NRXN3: variants seen among roughly 807,000 people sequenced by gnomAD.
The protein encoded by NRXN3 is neurexin III.
NRXN3 carries 32 observed loss-of-function variants against 137.6 expected under a neutral mutation model. The ratio of observed to expected loss-of-function variants is 0.23; its 90% CI spans 0.18 to 0.31. NRXN3 has a LOEUF of 0.31. Among genes scored for constraint, NRXN3 ranks in the 10% least tolerant of loss-of-function variants. NRXN3 has a pLI of 1.00. For synonymous variants in NRXN3, 798 were observed against 784.5 expected (o/e 1.02, Z -0.29); for missense variants, 1,574 against 2,062.5 (o/e 0.76, Z 4.59).
At chr14:79,375,873 T>C (rs944771241) in intron 15 of NRXN3, among the ~76,000 whole-genome samples, 1 of 151,916 alleles carries the variant, frequency 6.6e-6, no homozygotes, top group Admixed American at 6.6e-5. Flanking sequence ...AAGAGATTAT[T>C]CTTAGAAATG....
At chr14:78,523,329 A>T (rs1220022937) in intron 4 of NRXN3, among the ~76,000 whole-genome samples, 2 of 152,194 alleles carry the variant, frequency 1.3e-5, no homozygotes, top group Non-Finnish European at 2.9e-5. Context: ...ATAATGCCAA[A>T]GGAGAAATTA....
intron 19 of NRXN3, among the ~76,000 whole-genome samples, chr14:79,711,329 A>G (rs943026043): frequency 3.3e-5 from 5 of 152,194 alleles, no homozygotes; most frequent in Non-Finnish European, 5.9e-5. Context: ...TCATTGCTCA[A>G]AGCTCTACGT....
intron 15 of NRXN3, among the ~76,000 whole-genome samples, chr14:79,160,495 G>A (rs1236718362): frequency 1.3e-5 from 2 of 151,908 alleles, no homozygotes; most frequent in African/African-American, 4.8e-5. Flanking sequence ...CTCTCACTCT[G>A]AAATCTGTCA....
At chr14:79,115,022 T>G (rs375644247) in intron 15 of NRXN3, among the ~76,000 whole-genome samples, 2 of 152,080 alleles carry the variant, frequency 1.3e-5, no homozygotes, top group African/African-American at 4.8e-5. Context: ...ACCGGCATCT[T>G]AAGTTTAAGA....
chr14:78,326,474 C>T (rs1286479583), intron 4 of NRXN3, among the ~76,000 whole-genome samples: 1 of 152,134 alleles, frequency 6.6e-6, no homozygotes, highest in African/African-American at 2.4e-5. Context: ...TTTTGGATTC[C>T]TCAGGGACCA....
intron 4 of NRXN3, among the ~76,000 whole-genome samples, chr14:78,611,086 T>G (rs1180307594): frequency 6.6e-6 from 1 of 152,118 alleles, no homozygotes; most frequent in Non-Finnish European, 1.5e-5. Flanking sequence ...CTTGCTTTCC[T>G]GGCAGGTTCA....
chr14:79,404,820 G>A (rs1299765677), intron 15 of NRXN3, among the ~76,000 whole-genome samples: 1 of 152,206 alleles, frequency 6.6e-6, no homozygotes, highest in Non-Finnish European at 1.5e-5. Flanking sequence ...AAAGGATGGT[G>A]CTTCCCTTAG....
chr14:78,447,257 A>G (rs1164370222), intron 4 of NRXN3, among the ~76,000 whole-genome samples: 6 of 152,236 alleles, frequency 3.9e-5, no homozygotes, highest in Non-Finnish European at 1.5e-5. Flanking sequence ...CTGTGTGAGT[A>G]AATGAGATAA....
intron 10 of NRXN3, among the ~76,000 whole-genome samples, chr14:78,862,341 G>A (rs72685461): frequency 0.036 from 5,544 of 152,142 alleles, 151 homozygotes; most frequent in Non-Finnish European, 0.053. Context: ...AGATTGACTA[G>A]TAGAGAGTGG....
At chr14:79,455,994 G>A (rs2096252375) in intron 15 of NRXN3, among the ~76,000 whole-genome samples, 1 of 151,840 alleles carries the variant, frequency 6.6e-6, no homozygotes. Flanking sequence ...GAGTTTCTGA[G>A]TAAAGCTTTA....
Position 78,557,996 on chromosome 14 carries a change from T to C in NRXN3, c.758-87124T>C, listed in dbSNP as rs571509584. On this transcript the variant is annotated intron_variant, in intron 4 of 20. Transcript: ENST00000335750. ...GATATAGGTACTATCATCCCCATTT[T>C]ACAGTTGAGAGAACTGAGGCACAGA... Among the ~76,000 whole-genome samples the C allele has an allele frequency of 1.1e-3, 161 of 152,338 alleles. No homozygotes were observed. In the Middle Eastern group the frequency reaches 0.014, roughly 13 times the overall value.
At chr14:79,302,182 G>T (rs1184580767) in intron 15 of NRXN3, among the ~76,000 whole-genome samples, 1 of 151,956 alleles carries the variant, frequency 6.6e-6, no homozygotes, top group East Asian at 1.9e-4. Flanking sequence ...TATGCCAGGT[G>T]CTTTACATAT....
In NRXN3 at chr14:79,823,079, G is replaced by T. The variant is rs531085196; in HGVS notation, c.4093+17889G>T. Among the ~76,000 whole-genome samples, 6 of 152,290 alleles carry T rather than the reference G, an allele frequency of 3.9e-5. No individual in the cohort carries two copies. In the South Asian group the frequency reaches 1.0e-3, roughly 26 times the overall value. ...AACATGATCCATCTTTGTGTCAAGA[G>T]AAAGTCAAATATTATAGTCCCCAGC... is the stretch of plus-strand genomic sequence containing the variant. On this transcript the variant is annotated intron_variant, in intron 20 of 20. Coordinates refer to ENST00000335750, the MANE Select transcript of NRXN3 (RefSeq NM_001330195.2).
intron 19 of NRXN3, chr14:79,760,906 C>G (rs951358384): frequency 6.6e-6 from 1 of 151,614 alleles, no homozygotes; most frequent in Non-Finnish European, 1.5e-5. Flanking sequence ...GTGCCTGCCC[C>G]CCTGCCCATG....
chr14:79,649,153 A>G (rs1255002599), intron 16 of NRXN3, among the ~76,000 whole-genome samples: 3 of 152,106 alleles, frequency 2.0e-5, no homozygotes, highest in African/African-American at 4.8e-5. Flanking sequence ...TCACTCCCTC[A>G]ATGAACCCAT....
chr14:79,184,847 T>C (rs896224721), intron 15 of NRXN3, among the ~76,000 whole-genome samples: 19 of 152,236 alleles, frequency 1.2e-4, no homozygotes, highest in African/African-American at 4.6e-4. Context: ...CTAGTCTTCT[T>C]ATTTGTATTG....
chr14:78,923,514 G>A (rs2099276739), intron 10 of NRXN3, among the ~76,000 whole-genome samples: 1 of 152,194 alleles, frequency 6.6e-6, no homozygotes, highest in African/African-American at 2.4e-5. Context: ...TAGAGAGAAT[G>A]GCTTTGATGT....
chr14:79,844,122 A>T (rs10873323), intron 20 of NRXN3, among the ~76,000 whole-genome samples: 104,786 of 151,780 alleles, frequency 0.69, 38,134 homozygotes, highest in East Asian at 0.91. Context: ...GTGGATATAT[A>T]TACCACTATT....
chr14:78,394,800 G>GT (rs1023970607), intron 4 of NRXN3, among the ~76,000 whole-genome samples: 29 of 151,596 alleles, frequency 1.9e-4, no homozygotes, highest in Admixed American at 2.6e-4. Context: ...GGTAGACAGT[G>GT]TTTTTTTGAG....
Sources: allele counts gnomAD v4.1 joint callset (sites outside exome capture counted in the v4.1 genomes callset), GRCh38; gene constraint gnomAD v4.1.1; transcripts MANE v1.5; gene names NCBI Gene and HGNC (gene_info 2026-07-23, HGNC 2026-07-21).